IPO8: variants seen among roughly 807,000 people sequenced by gnomAD.
IPO8 encodes the protein importin-8.
IPO8 carries 65 observed loss-of-function variants against 141.2 expected under a neutral mutation model. That is an observed-to-expected ratio of 0.46 (90% CI 0.38 to 0.57). The LOEUF is 0.57. IPO8 is among the 20% of genes least tolerant of loss of function. The pLI, the probability that IPO8 is intolerant of heterozygous loss-of-function variation, is 0.00. For synonymous variants in IPO8, 411 were observed against 420.3 expected, an observed-to-expected ratio of 0.98 and a Z score of 0.27; for missense variants, 980 against 1,246.8, an observed-to-expected ratio of 0.79 and a Z score of 3.22.
At chr12:30,666,036 G>T (rs1464563972) in intron 11 of IPO8, 139 bp downstream of exon 11, 3 of 650,756 alleles carry the variant, frequency 4.6e-6, no homozygotes, top group Non-Finnish European at 7.5e-6. Context: ...CCCCTCACCA[G>T]GAGAGGAAAA....
intron 8 of IPO8, 152 bp downstream of exon 8, chr12:30,673,838 C>T: frequency 2.1e-6 from 1 of 474,396 alleles, no homozygotes; most frequent in Non-Finnish European, 3.8e-6. Context: ...GGTTTTAAAA[C>T]TAATTGCACT....
At chr12:30,671,472 G>A (rs1183036114) in intron 8 of IPO8, among the ~76,000 whole-genome samples, 1 of 152,012 alleles carries the variant, frequency 6.6e-6, no homozygotes, top group Admixed American at 6.5e-5. Context: ...AGGAGAACGA[G>A]AGCATCCTGG....
rs570367699 is a variant in IPO8, at chr12:30,640,511, A to G, written c.2269-776T>C. Among the ~76,000 whole-genome samples, 9 of 152,324 alleles carry G rather than the reference A, an allele frequency of 5.9e-5. 1 individual carries two copies. The highest frequency in any genetic ancestry group is 2.2e-4 in the African/African-American group (9 of 41,578). ...TTAGGATAACATATTAAATCAAAAT[A>G]CATGACTACACATACTTTTAAGACC... On this transcript the variant is annotated intron_variant, in intron 20 of 24. Transcript: ENST00000256079.
At position 30,695,073 on chromosome 12, in the gene IPO8, C is replaced by T. The variant is rs534340586; in HGVS notation, c.84+491G>A. The T allele has an allele frequency of 2.0e-5, 9 of 455,090 alleles. No homozygotes were observed. Among genetic ancestry groups the T allele is most frequent in the Middle Eastern group, 3.3e-4 (1 of 3,068 alleles). 28.2% of individuals were successfully genotyped at this position (455,090 alleles called of 1,614,324 possible). The stretch of plus-strand genomic sequence containing the variant: ...GCACTGCCCAGCGCTCCGCAAAACT[C>T]GGCCAATCGGTGTCAAAACAGTCCT... On this transcript the variant is annotated intron_variant, in intron 1 of 24. Transcript: ENST00000256079. The surrounding 1 kb of genome is among the most constrained non-coding windows in gnomAD (Gnocchi z 4.2).
In IPO8 at chr12:30,629,809, T is replaced by C. The variant is rs1359340808; in HGVS notation, c.*1051A>G. On this transcript the variant is annotated 3_prime_UTR_variant, in exon 25 of 25. Transcript: ENST00000256079. ...CAAATTAGGTAGGAGAAAATTCAAA[T>C]AGGTGAGAAAGCAAGAAGTTAGATT... The C allele has an allele frequency of 6.6e-6, 1 of 151,970 alleles. No individual in the cohort carries two copies. The highest frequency in any genetic ancestry group is 1.5e-5 in the Non-Finnish European group (1 of 67,994). The allele number at this position is 151,970 out of a possible 1,614,324, so 9.4% of individuals were successfully genotyped here. A position where few individuals can be genotyped will look rare whatever the true frequency, so the allele number is the denominator to read the frequency against.
chr12:30,688,983 TTAAG>T (rs764201299), intron 2 of IPO8, among the ~76,000 whole-genome samples: 1 of 152,024 alleles, frequency 6.6e-6, no homozygotes, highest in Non-Finnish European at 1.5e-5. Context: ...ATCAAATCGT[TTAAG>T]TAAACCATGG....
chr12:30,680,319 G>T, intron 5 of IPO8, 163 bp downstream of exon 5: 1 of 543,266 alleles, frequency 1.8e-6, no homozygotes, highest in Non-Finnish European at 3.1e-6. Context: ...AGACGATCTT[G>T]GGTAATTAAT....
intron 20 of IPO8, among the ~76,000 whole-genome samples, chr12:30,648,864 CAACT>C (rs2052684878): frequency 6.6e-6 from 1 of 151,432 alleles, no homozygotes; most frequent in Non-Finnish European, 1.5e-5. Context: ...TCTGAGACTC[CAACT>C]GAGTAGAATT....
chr12:30,645,925 T>A (rs1391187604), intron 20 of IPO8, among the ~76,000 whole-genome samples: 3 of 151,606 alleles, frequency 2.0e-5, no homozygotes, highest in African/African-American at 7.3e-5. Context: ...CACTGCTAAA[T>A]TCTACCAAAC....
chr12:30,649,594 C>T (rs943429311), intron 19 of IPO8, among the ~76,000 whole-genome samples: 1 of 152,106 alleles, frequency 6.6e-6, no homozygotes, highest in Non-Finnish European at 1.5e-5. Flanking sequence ...CTTTTGAATC[C>T]TGGTCCATAT....
intron 18 of IPO8, 70 bp downstream of exon 18, chr12:30,652,897 A>G (rs1453268016): frequency 7.5e-7 from 1 of 1,337,954 alleles, no homozygotes; most frequent in Non-Finnish European, 1.0e-6. Context: ...ATGTGTTTTT[A>G]TTTCAGGTGT....
At position 30,629,222 on chromosome 12, in the gene IPO8, T is replaced by C. The variant is rs891267431; in HGVS notation, c.*1638A>G. The C allele has an allele frequency of 2.0e-4, 30 of 152,232 alleles. No homozygotes were observed. Among genetic ancestry groups the C allele is most frequent in the African/African-American group, 6.3e-4 (26 of 41,454 alleles). The allele number at this position is 152,232 out of a possible 1,614,324, so 9.4% of individuals were successfully genotyped here. On this transcript the variant is annotated 3_prime_UTR_variant, in exon 25 of 25. Coordinates refer to ENST00000256079, the MANE Select transcript of IPO8 (RefSeq NM_006390.4). ...ATCACATGCCTTTTACAATCCAGTG[T>C]GAAGGCATATTATTTATGTTAAAAT...
intron 16 of IPO8, among the ~76,000 whole-genome samples, chr12:30,658,946 T>A (rs1391966506): frequency 6.9e-6 from 1 of 144,210 alleles, no homozygotes; most frequent in African/African-American, 2.6e-5. Context: ...AATGGCATGA[T>A]CTCGGCTCAT....
At chr12:30,669,365 A>G in intron 9 of IPO8, 83 bp from the exon 10 acceptor site, 1 of 582,102 alleles carries the variant, frequency 1.7e-6, no homozygotes, top group Non-Finnish European at 3.0e-6. Flanking sequence ...ACTTGTTGAC[A>G]GCCTTTATGA....
intron 8 of IPO8, among the ~76,000 whole-genome samples, chr12:30,673,636 C>T (rs2053080935): frequency 6.6e-6 from 1 of 152,056 alleles, no homozygotes; most frequent in Non-Finnish European, 1.5e-5. Context: ...TAAAAACTTA[C>T]AACAAAGAGG....
rs79441677 is a variant in IPO8 at position 30,647,306 on chromosome 12, T to A, written c.2268+1831A>T. Among the ~76,000 whole-genome samples the A allele has an allele frequency of 6.7e-3, 1,019 of 152,054 alleles. 7 individuals carry two copies. Among genetic ancestry groups the A allele is most frequent in the African/African-American group, 0.023 (970 of 41,460 alleles). The stretch of plus-strand genomic sequence containing the variant: ...CCTCACATTATGTACAAAAATTAAC[T>A]CAAAATAGATCAAGACCTAAATATA... On this transcript the variant is annotated intron_variant, in intron 20 of 24. Transcript: ENST00000256079.
In IPO8 at chr12:30,630,893, T is replaced by A; in HGVS notation, c.3081A>T (p.Ala1027=). The part of the protein sequence containing the change: ...FTFENKGVLS[A]FNFGTVPSNN ...TGCTGGGCACAGTCCCAAAATTAAA[T>A]GCGGAGAGGACTCCTTTGTTTTCAA... is the stretch of plus-strand genomic sequence containing the variant. Residue 1027 remains alanine, a synonymous_variant, in exon 25 of 25, where the codon GCA becomes GCT. Coordinates refer to ENST00000256079, the MANE Select transcript of IPO8 (RefSeq NM_006390.4). The A allele has an allele frequency of 6.2e-7, 1 of 1,613,782 alleles. No homozygotes were observed.
chr12:30,677,229 C>T, intron 5 of IPO8: 1 of 498,070 alleles, frequency 2.0e-6, no homozygotes, highest in South Asian at 1.7e-5. Flanking sequence ...CAGTGACAGA[C>T]TGCATATACA....
At chr12:30,685,379 T>C (rs2053229680) in intron 2 of IPO8, among the ~76,000 whole-genome samples, 1 of 151,770 alleles carries the variant, frequency 6.6e-6, no homozygotes, top group Admixed American at 6.6e-5. Context: ...CCTCAGGTGA[T>C]CTGCCTGCCT....
Sources: allele counts gnomAD v4.1 joint callset (sites outside exome capture counted in the v4.1 genomes callset), GRCh38; gene constraint gnomAD v4.1.1; non-coding constraint Gnocchi (gnomAD v3.1); transcripts MANE v1.5; gene names NCBI Gene and HGNC (gene_info 2026-07-23, HGNC 2026-07-21).